The following SLC25A25 variants were observed in gnomAD, a reference collection of about 807,000 sequenced individuals.
The protein encoded by SLC25A25 is solute carrier family 25 member 25, also known as mitochondrial adenyl nucleotide antiporter SLC25A25.
A neutral mutation model predicts 57.7 loss-of-function variants in SLC25A25; 32 were observed. The ratio of observed to expected loss-of-function variants is 0.55; its 90% CI spans 0.42 to 0.74. SLC25A25 has a LOEUF of 0.74. Among genes scored for constraint, SLC25A25 ranks in the 30% least tolerant of loss-of-function variants. The pLI, the probability that SLC25A25 is intolerant of heterozygous loss-of-function variation, is 0.00. For missense variants in SLC25A25, 556 were observed against 701.3 expected, an observed-to-expected ratio of 0.79 and a Z score of 2.34; for synonymous variants, 306 against 291.2, an observed-to-expected ratio of 1.05 and a Z score of -0.52.
chr9:128,105,410 A>C (rs140241011), intron 6 of SLC25A25, among the ~76,000 whole-genome samples: 2,472 of 151,742 alleles, frequency 0.016, 32 homozygotes, highest in Non-Finnish European at 0.026. Context: ...AACTCAAGTG[A>C]TCCACCTGCC....
intron 1 of SLC25A25, among the ~76,000 whole-genome samples, chr9:128,080,156 G>A (rs1387644587): frequency 6.6e-6 from 1 of 151,602 alleles, no homozygotes; most frequent in Non-Finnish European, 1.5e-5. Flanking sequence ...ACTTGAACCT[G>A]GGAGGTGGAG....
Position 128,102,158 on chromosome 9 carries a change from T to G in SLC25A25, c.512+43T>G. On this transcript the variant is annotated intron_variant, in intron 4 of 10. Transcript: ENST00000373069. The surrounding 1 kb of genome is among the most constrained non-coding windows in gnomAD (Gnocchi z 4.1). ...TCATGACTGCCTCCCTTGACTTCCA[T>G]GCCTGATCAGAGCGGGATTCTTGTG... The G allele has an allele frequency of 6.5e-7, 1 of 1,549,182 alleles. No homozygotes were observed. Among genetic ancestry groups the G allele is most frequent in the Non-Finnish European group, 8.7e-7 (1 of 1,145,678 alleles).
intron 1 of SLC25A25, among the ~76,000 whole-genome samples, chr9:128,083,408 T>C (rs557244041): frequency 6.6e-6 from 1 of 152,152 alleles, no homozygotes; most frequent in East Asian, 1.9e-4. Flanking sequence ...ATTCTGACTT[T>C]CTGTCAAATA....
intron 1 of SLC25A25, among the ~76,000 whole-genome samples, chr9:128,072,707 G>C (rs759117936): frequency 9.8e-5 from 15 of 152,294 alleles, no homozygotes; most frequent in Non-Finnish European, 1.9e-4. Flanking sequence ...CAAAAAAAGG[G>C]AAGAGTTCAT....
In SLC25A25 at chr9:128,095,852, T is replaced by C. The variant is rs1298245471; in HGVS notation, c.262-5244T>C. Among the ~76,000 whole-genome samples, 1 of 152,192 alleles carries C rather than the reference T, an allele frequency of 6.6e-6. No individual in the cohort carries two copies. The highest frequency in any genetic ancestry group is 6.5e-5 in the Admixed American group (1 of 15,276). On this transcript the variant is annotated intron_variant, in intron 1 of 10. Coordinates refer to ENST00000373069, the MANE Select transcript of SLC25A25 (RefSeq NM_001330988.2). This position sits in a 1 kb window ranked among gnomAD's most constrained non-coding sequence, Gnocchi z 4.4. ...AAGAAGAAGAATACAGGTTTCACTT[T>C]TATTTAGTATCATTTTCAAATCTCA...
intron 1 of SLC25A25, among the ~76,000 whole-genome samples, chr9:128,094,767 A>G (rs1833512277): frequency 6.6e-6 from 1 of 152,228 alleles, no homozygotes; most frequent in African/African-American, 2.4e-5. Flanking sequence ...ACATAGTGGT[A>G]GAACAAGGAA....
chr9:128,070,642 A>C lies in SLC25A25; in HGVS notation c.261+2062A>C, dbSNP rs550343647. Among the ~76,000 whole-genome samples, 12 of 152,080 alleles carry C rather than the reference A, an allele frequency of 7.9e-5. No homozygotes were observed. In the East Asian group the frequency reaches 1.7e-3, roughly 22 times the overall value. ...GAGATTTTCCTGTATGTATCTGATG[A>C]ATACTCACTTGAAAAGGTAGAATGG... is the stretch of plus-strand genomic sequence containing the variant. On this transcript the variant is annotated intron_variant, in intron 1 of 10. Transcript: ENST00000373069.
In SLC25A25 at chr9:128,106,137, T is replaced by A. The variant is rs771206489; in HGVS notation, c.937-13T>A. The A allele has an allele frequency of 6.2e-7, 1 of 1,614,198 alleles. No homozygotes were observed. Among genetic ancestry groups the A allele is most frequent in the Non-Finnish European group, 8.5e-7 (1 of 1,180,006 alleles). On this transcript the variant is annotated splice_polypyrimidine_tract_variant and intron_variant, in intron 7 of 10. Transcript: ENST00000373069. ...CTGGGTATATCAGGTGGTTTGTTTG[T>A]TCCTGGTTCTAGATCAAGCGCCTTG... is the stretch of plus-strand genomic sequence containing the variant.
chr9:128,091,746 G>C (rs1047668164), intron 1 of SLC25A25: 85 of 1,475,844 alleles, frequency 5.8e-5, no homozygotes, highest in Non-Finnish European at 7.4e-5. Context: ...CCTGCATGCA[G>C]AGCTTCCAGC....
chr9:128,084,918 G>C (rs1391359071), intron 1 of SLC25A25, among the ~76,000 whole-genome samples: 1 of 152,142 alleles, frequency 6.6e-6, no homozygotes, highest in African/African-American at 2.4e-5. Flanking sequence ...GGTTACACTT[G>C]GCAGTCTATC....
intron 6 of SLC25A25, among the ~76,000 whole-genome samples, chr9:128,104,173 C>T (rs936838484): frequency 4.6e-5 from 7 of 152,232 alleles, no homozygotes; most frequent in African/African-American, 1.7e-4. Context: ...CAGAGCCTCA[C>T]CTGACCCAGA....
At chr9:128,090,132 C>G (rs915073547) in intron 1 of SLC25A25, among the ~76,000 whole-genome samples, 1 of 152,248 alleles carries the variant, frequency 6.6e-6, no homozygotes, top group East Asian at 1.9e-4. Flanking sequence ...CAGAGGCCGT[C>G]TTCACAAATA....
intron 1 of SLC25A25, among the ~76,000 whole-genome samples, chr9:128,083,508 T>TTTTTC (rs1255342743): frequency 3.2e-5 from 2 of 62,494 alleles, no homozygotes; most frequent in African/African-American, 7.8e-5. Flanking sequence ...TTTTTTTTCT[T>TTTTTC]TTTTCTTTTT....
chr9:128,105,882 G>A lies in SLC25A25; in HGVS notation c.936+1G>A. The A allele has an allele frequency of 6.2e-7, 1 of 1,613,818 alleles. No individual in the cohort carries two copies. The highest frequency in any genetic ancestry group is 8.5e-7 in the Non-Finnish European group (1 of 1,179,816). On this transcript the variant is annotated splice_donor_variant, in intron 7 of 10. Coordinates refer to ENST00000373069, the MANE Select transcript of SLC25A25 (RefSeq NM_001330988.2). LOFTEE classifies it high-confidence loss of function. ...CATCAAATTCATGGCCTATGAGCAG[G>A]TGAGGACCCAGCTCCTCAGGAGGGT...
intron 1 of SLC25A25, among the ~76,000 whole-genome samples, chr9:128,097,178 A>G (rs1029825434): frequency 9.2e-5 from 14 of 152,220 alleles, no homozygotes; most frequent in Non-Finnish European, 5.9e-5. Flanking sequence ...GAAGTGGCGC[A>G]CTGTAGAAGG....
At chr9:128,080,554 G>C (rs1833133335) in intron 1 of SLC25A25, among the ~76,000 whole-genome samples, 1 of 151,114 alleles carries the variant, frequency 6.6e-6, no homozygotes, top group Non-Finnish European at 1.5e-5. Flanking sequence ...GGAGTAGCTG[G>C]GATTACAGGC....
Position 128,082,358 on chromosome 9 carries a change from A to G in SLC25A25, c.261+13778A>G, listed in dbSNP as rs576648184. On this transcript the variant is annotated intron_variant, in intron 1 of 10. Transcript: ENST00000373069. ...GAGTTGTGGCTCCTCTTCATTGTCC[A>G]ATTGTTGCTGAGTCACATCAGGTGG... Among the ~76,000 whole-genome samples the G allele has an allele frequency of 4.6e-5, 7 of 152,234 alleles. No homozygotes were observed. In the East Asian group the frequency reaches 1.2e-3, roughly 25 times the overall value.
chr9:128,105,915 C>T (rs1159608909), intron 7 of SLC25A25, 34 bp downstream of exon 7: 3 of 1,604,100 alleles, frequency 1.9e-6, no homozygotes, highest in South Asian at 2.2e-5. Context: ...GGTCACCGGC[C>T]AGTGGCTACT....
chr9:128,083,671 A>G (rs1390035722), intron 1 of SLC25A25, among the ~76,000 whole-genome samples: 3 of 65,776 alleles, frequency 4.6e-5, no homozygotes, highest in African/African-American at 1.4e-4. Context: ...CACCACGCCC[A>G]GCGAATTTTT....
Sources: gnomAD v4.1 joint callset for allele counts (sites outside exome capture counted in the v4.1 genomes callset) on GRCh38, gnomAD v4.1.1 for gene constraint, Gnocchi (gnomAD v3.1) non-coding constraint, MANE v1.5 for transcripts, NCBI Gene and HGNC (gene_info 2026-07-23, HGNC 2026-07-21) for gene names.